Variants in TENM4 observed in about 807,000 individuals in gnomAD.
TENM4 encodes the protein teneurin transmembrane protein 4, also known as teneurin-4.
A neutral mutation model predicts 243.3 loss-of-function variants in TENM4; 82 were observed. That is an observed-to-expected ratio of 0.34 (90% CI 0.28 to 0.40). TENM4 has a LOEUF of 0.40. Among genes scored for constraint, TENM4 ranks in the 10% least tolerant of loss-of-function variants. The probability of loss-of-function intolerance (pLI) is 1.00; values close to 1 mark genes in which losing one functional copy is unlikely to be tolerated. For synonymous variants in TENM4, 1,412 were observed against 1,456.3 expected, an observed-to-expected ratio of 0.97 and a Z score of 0.69; for missense variants, 3,138 against 3,673.3, an observed-to-expected ratio of 0.85 and a Z score of 3.77.
intron 2 of TENM4, among the ~76,000 whole-genome samples, chr11:79,254,429 TA>T (rs1855666129): frequency 6.6e-6 from 1 of 152,140 alleles, no homozygotes; most frequent in South Asian, 2.1e-4. Flanking sequence ...TTGGTATAAA[TA>T]AAATATGAGC....
intron 18 of TENM4, among the ~76,000 whole-genome samples, chr11:78,765,156 T>C (rs1020085040): frequency 6.6e-6 from 1 of 152,222 alleles, no homozygotes; most frequent in Non-Finnish European, 1.5e-5. Flanking sequence ...CAATAGTATC[T>C]GAGGAGGCCC....
At chr11:78,671,295 C>CTG (rs386374257) in intron 31 of TENM4, among the ~76,000 whole-genome samples, 9 of 151,540 alleles carry the variant, frequency 5.9e-5, no homozygotes, top group South Asian at 2.1e-4. Context: ...GTCTCTCTCT[C>CTG]TCTTAGTACT....
intron 1 of TENM4, among the ~76,000 whole-genome samples, chr11:79,339,647 T>C (rs545187882): frequency 6.6e-6 from 1 of 151,724 alleles, no homozygotes; most frequent in Admixed American, 6.6e-5. Flanking sequence ...CTGGGTCCCA[T>C]GGTTAAGTGA....
In TENM4 at chr11:78,891,359, A is replaced by G. The variant is rs753072181; in HGVS notation, c.750-23T>C. 3.2e-5 allele frequency: 49 copies of G among 1,543,516 alleles called. No individual in the cohort carries two copies. The Middle Eastern group carries it at 6.7e-4, about 21-fold the overall frequency. Reference sequence around the variant, plus strand: ...TTTCTACGCACACATGGAGACATGAATGAAGCAATGAGTCATGCATTGATG... The same window carrying G: ...TTTCTACGCACACATGGAGACATGAGTGAAGCAATGAGTCATGCATTGATG... On this transcript the variant is annotated intron_variant, in intron 7 of 33. Coordinates refer to ENST00000278550, the MANE Select transcript of TENM4 (RefSeq NM_001098816.3).
chr11:78,658,909 A>C, intron 33 of TENM4, 93 bp from the exon 34 acceptor site: 1 of 1,402,302 alleles, frequency 7.1e-7, no homozygotes, highest in Non-Finnish European at 9.7e-7. Flanking sequence ...AGTCAAAACC[A>C]CACATATTTA....
intron 1 of TENM4, among the ~76,000 whole-genome samples, chr11:79,318,231 G>C (rs909352130): frequency 5.9e-5 from 9 of 152,070 alleles, no homozygotes; most frequent in Non-Finnish European, 8.8e-5. Context: ...CTGTGAACAG[G>C]GGGGATAAAA....
chr11:78,928,462 A>T (rs888242819), intron 6 of TENM4, among the ~76,000 whole-genome samples: 3 of 152,226 alleles, frequency 2.0e-5, no homozygotes, highest in Non-Finnish European at 4.4e-5. Flanking sequence ...CAAAACAACA[A>T]GGAAATAGGT....
chr11:79,397,580 T>C (rs187580591), intron 1 of TENM4, among the ~76,000 whole-genome samples: 175 of 152,210 alleles, frequency 1.1e-3, no homozygotes, highest in African/African-American at 4.1e-3. Context: ...CTGCCACTCA[T>C]GGTCAAAAAG....
At chr11:79,123,124 C>T (rs1435370524) in intron 4 of TENM4, among the ~76,000 whole-genome samples, 2 of 152,166 alleles carry the variant, frequency 1.3e-5, no homozygotes, top group Non-Finnish European at 2.9e-5. Context: ...GGAAAGGGAA[C>T]TCAGACCCTG....
At chr11:79,426,755 T>G (rs1252118430) in intron 1 of TENM4, among the ~76,000 whole-genome samples, 1 of 152,224 alleles carries the variant, frequency 6.6e-6, no homozygotes, top group Non-Finnish European at 1.5e-5. Context: ...GGATTGCCAG[T>G]AAAGCAGGTC....
At chr11:79,273,927 C>T (rs879526924) in intron 2 of TENM4, among the ~76,000 whole-genome samples, 6 of 152,224 alleles carry the variant, frequency 3.9e-5, no homozygotes, top group Non-Finnish European at 5.9e-5. Flanking sequence ...GGGCAGCGGG[C>T]TGGCAAGACA....
chr11:78,869,747 G>A (rs1340004331), intron 9 of TENM4, among the ~76,000 whole-genome samples: 1 of 152,124 alleles, frequency 6.6e-6, no homozygotes, highest in East Asian at 1.9e-4. Context: ...TGGTTCCAAA[G>A]CCCAGGTTCC....
intron 6 of TENM4, among the ~76,000 whole-genome samples, chr11:79,038,086 C>T (rs115951267): frequency 0.013 from 1,907 of 152,310 alleles, 44 homozygotes; most frequent in African/African-American, 0.043. Context: ...CAAAGGAAGC[C>T]GGAGACAACC....
intron 2 of TENM4, among the ~76,000 whole-genome samples, chr11:79,266,124 C>G (rs1278142443): frequency 6.6e-6 from 1 of 152,162 alleles, no homozygotes; most frequent in Non-Finnish European, 1.5e-5. Flanking sequence ...ACCAGCTGGC[C>G]TACGTCATAA....
chr11:79,167,689 A>C (rs17828175), intron 3 of TENM4, among the ~76,000 whole-genome samples: 1 of 151,940 alleles, frequency 6.6e-6, no homozygotes, highest in Non-Finnish European at 1.5e-5. Flanking sequence ...TTGGTAGCCC[A>C]GTTGGAGGTG....
intron 1 of TENM4, among the ~76,000 whole-genome samples, chr11:79,405,512 C>T (rs988060673): frequency 6.7e-6 from 1 of 150,318 alleles, no homozygotes; most frequent in Admixed American, 6.6e-5. Context: ...TTTTGAAAGA[C>T]ACATAATCAC....
chr11:79,387,368 T>A (rs1309646360), intron 1 of TENM4, among the ~76,000 whole-genome samples: 1 of 152,144 alleles, frequency 6.6e-6, no homozygotes, highest in East Asian at 1.9e-4. Flanking sequence ...CACTTAGGAG[T>A]TGGGCAGTTT....
chr11:79,253,934 T>C (rs908188632), intron 2 of TENM4, among the ~76,000 whole-genome samples: 15 of 152,130 alleles, frequency 9.9e-5, no homozygotes, highest in African/African-American at 3.1e-4. Flanking sequence ...GAAAAGACAC[T>C]TGGTCACACT....
At chr11:78,716,485 C>A (rs1227680783) in intron 25 of TENM4, among the ~76,000 whole-genome samples, 2 of 152,216 alleles carry the variant, frequency 1.3e-5, no homozygotes, top group South Asian at 2.1e-4. Flanking sequence ...CGGCTTTGAA[C>A]TGGGCTGATG....
Sources: allele counts gnomAD v4.1 joint callset (sites outside exome capture counted in the v4.1 genomes callset), GRCh38; gene constraint gnomAD v4.1.1; transcripts MANE v1.5; gene names NCBI Gene and HGNC (gene_info 2026-07-23, HGNC 2026-07-21).